DACH2: variants seen among roughly 807,000 people sequenced by gnomAD.
The protein encoded by DACH2 is dachshund homolog 2.
DACH2 carries 17 observed loss-of-function variants against 35.8 expected under a neutral mutation model. The ratio of observed to expected loss-of-function variants is 0.48; its 90% CI spans 0.33 to 0.71. The LOEUF is 0.71. DACH2 is among the 30% of genes least tolerant of loss of function. DACH2 has a pLI of 0.02. For missense variants in DACH2, 469 were observed against 472.7 expected (o/e 0.99, Z 0.07); for synonymous variants, 195 against 177.3 (o/e 1.10, Z -0.79).
At chrX:86,453,259 C>T (rs2037414035) in intron 2 of DACH2, among the ~76,000 whole-genome samples, 1 of 111,759 alleles carries the variant, frequency 8.9e-6, no homozygotes. Context: ...AGATTAAGTG[C>T]CATGAGGCAA....
chrX:86,167,407 T>C (rs1191599837), intron 1 of DACH2, among the ~76,000 whole-genome samples: 1 of 110,817 alleles, frequency 9.0e-6, no homozygotes, highest in African/African-American at 3.3e-5. Context: ...TAATGTCTCC[T>C]TTTTTCATTG....
chrX:86,413,927 T>A (rs911251407), intron 2 of DACH2, among the ~76,000 whole-genome samples: 3 of 111,579 alleles, frequency 2.7e-5, no homozygotes, highest in African/African-American at 9.8e-5. Flanking sequence ...ATTGATATTT[T>A]GGGTCCCCTG....
chrX:86,166,905 G>A (rs1046826774), intron 1 of DACH2, among the ~76,000 whole-genome samples: 13 of 111,532 alleles, frequency 1.2e-4, no homozygotes, highest in African/African-American at 3.6e-4. Flanking sequence ...GCATCCCAGC[G>A]ATAAATCCCA....
chrX:86,425,993 A>G (rs1376305109), intron 2 of DACH2, among the ~76,000 whole-genome samples: 3 of 111,470 alleles, frequency 2.7e-5, no homozygotes, highest in East Asian at 2.8e-4. Context: ...TTAACTTGAA[A>G]GAAGGAAATG....
intron 2 of DACH2, among the ~76,000 whole-genome samples, chrX:86,414,161 C>A (rs1204686137): frequency 9.9e-5 from 11 of 111,580 alleles, no homozygotes; most frequent in Non-Finnish European, 1.9e-4. Context: ...TGGCTCAAGT[C>A]TGGAAATTGT....
At chrX:86,261,628 G>C (rs1013167164) in intron 1 of DACH2, among the ~76,000 whole-genome samples, 10 of 111,594 alleles carry the variant, frequency 9.0e-5, no homozygotes, top group African/African-American at 3.3e-4. Flanking sequence ...AGTGGAAAAT[G>C]AAGAGGAATT....
chrX:86,238,355 A>G (rs1199439645), intron 1 of DACH2, among the ~76,000 whole-genome samples: 4 of 111,794 alleles, frequency 3.6e-5, no homozygotes, highest in Non-Finnish European at 7.5e-5. Context: ...TTTTATATAT[A>G]GCTTTGTCTT....
chrX:86,220,766 T>C (rs1232246276), intron 1 of DACH2, among the ~76,000 whole-genome samples: 5 of 112,281 alleles, frequency 4.5e-5, no homozygotes, highest in Non-Finnish European at 7.5e-5. Context: ...GTGGTAGTAC[T>C]ATTTTTAATT....
chrX:86,783,864 G>A (rs1398641891), intron 7 of DACH2, among the ~76,000 whole-genome samples: 1 of 111,000 alleles, frequency 9.0e-6, no homozygotes, highest in African/African-American at 3.3e-5. Context: ...GTCAGGGGAG[G>A]GAGTTGGTGA....
chrX:86,722,563 ATGT>A (rs2041419863), intron 6 of DACH2, among the ~76,000 whole-genome samples: 2 of 108,858 alleles, frequency 1.8e-5, no homozygotes, highest in Non-Finnish European at 3.8e-5. Flanking sequence ...TTGTCTTACT[ATGT>A]TGCCTAGGCT....
intron 7 of DACH2, among the ~76,000 whole-genome samples, chrX:86,810,027 A>T (rs763213900): frequency 1.8e-5 from 2 of 111,643 alleles, no homozygotes; most frequent in East Asian, 5.6e-4. Context: ...TCCTCACTGC[A>T]GCAAGCAACA....
rs143836462 is a variant in DACH2 at position 86,342,925 on chromosome X, G to T, written c.489-33899G>T. 3.8e-3 allele frequency among the ~76,000 whole-genome samples: 426 copies of T among 111,889 alleles called. 2 individuals are homozygous for T. Among genetic ancestry groups the T allele is most frequent in the Middle Eastern group, 9.3e-3 (2 of 215 alleles). On this transcript the variant is annotated intron_variant, in intron 1 of 11. Transcript: ENST00000373125. ...AAACAAGACTGTCCACCGGCAAAAG[G>T]ATTAGGACTTGCCAAAGGCTCAGAT...
chrX:86,750,335 A>G (rs374614661), intron 7 of DACH2, among the ~76,000 whole-genome samples: 5 of 112,048 alleles, frequency 4.5e-5, no homozygotes, highest in African/African-American at 1.6e-4. Flanking sequence ...GTTTTGCTGT[A>G]TCTATCAAGA....
intron 4 of DACH2, among the ~76,000 whole-genome samples, chrX:86,675,547 C>T (rs141248761): frequency 1.3e-4 from 14 of 110,120 alleles, no homozygotes; most frequent in Admixed American, 1.9e-4. Flanking sequence ...TGCTGGACAT[C>T]GTGGCACACG....
chrX:86,663,585 G>T (rs1206367309), intron 4 of DACH2, among the ~76,000 whole-genome samples: 3 of 111,559 alleles, frequency 2.7e-5, no homozygotes, highest in Non-Finnish European at 5.7e-5. Flanking sequence ...CTAAAAGTTA[G>T]GATCCCAGAC....
At chrX:86,202,792 G>T (rs1169076812) in intron 1 of DACH2, among the ~76,000 whole-genome samples, 1 of 110,897 alleles carries the variant, frequency 9.0e-6, no homozygotes, top group African/African-American at 3.3e-5. Flanking sequence ...GAGAACTATC[G>T]CTGAAATAAC....
intron 7 of DACH2, among the ~76,000 whole-genome samples, chrX:86,800,867 G>A (rs759590101): frequency 1.6e-4 from 18 of 110,000 alleles, no homozygotes; most frequent in Non-Finnish European, 2.3e-4. Context: ...ATGGGGTTTC[G>A]CCATGTTGGC....
intron 1 of DACH2, among the ~76,000 whole-genome samples, chrX:86,150,872 C>A (rs1039819138): frequency 1.8e-5 from 2 of 111,189 alleles, no homozygotes; most frequent in African/African-American, 6.5e-5. Flanking sequence ...AAAACCTATT[C>A]TCTTATTAAC....
chrX:86,285,028 T>C (rs1030569398), intron 1 of DACH2, among the ~76,000 whole-genome samples: 2 of 111,972 alleles, frequency 1.8e-5, no homozygotes, highest in Non-Finnish European at 3.8e-5. Context: ...TATTTGGATC[T>C]TCTCTCATTT....
Sources: gnomAD v4.1 joint callset for allele counts (sites outside exome capture counted in the v4.1 genomes callset) on GRCh38, gnomAD v4.1.1 for gene constraint, MANE v1.5 for transcripts, NCBI Gene and HGNC (gene_info 2026-07-23, HGNC 2026-07-21) for gene names.